POLR1C: variants seen among roughly 807,000 people sequenced by gnomAD.
POLR1C encodes the protein DNA-directed RNA polymerases I and III subunit RPAC1.
In POLR1C, 42 loss-of-function variants were observed where a neutral mutation model predicts 38.3. The ratio of observed to expected loss-of-function variants is 1.10; its 90% confidence interval spans 0.86 to 1.42. The LOEUF (loss-of-function observed/expected upper bound fraction) is 1.42, where lower values mean the gene tolerates loss of function less well. POLR1C is among the 40% of genes most tolerant of loss of function. The pLI, the probability that POLR1C is intolerant of heterozygous loss-of-function variation, is 0.00. For missense variants in POLR1C, 507 were observed against 450.5 expected, an observed-to-expected ratio of 1.13 and a Z score of -1.14; for synonymous variants, 163 against 163.9, an observed-to-expected ratio of 0.99 and a Z score of 0.04.
chr6:43,547,720 G>C, intron 9 of POLR1C: 2 of 1,611,962 alleles, frequency 1.2e-6, no homozygotes, highest in South Asian at 2.2e-5. Context: ...GAAGGTTGGA[G>C]GGGGAAAAAC....
rs561324245 is a variant in POLR1C at position 43,529,105 on chromosome 6, T to C, written c.923-144T>C. On this transcript the variant is annotated intron_variant, in intron 8 of 8. Transcript: ENST00000304004. Reference sequence around the variant, plus strand: ...CCTAAAATCCTAAATGGCACTGATATTGAATTCCATTATACTCTTAGTTTA... The same window carrying C: ...CCTAAAATCCTAAATGGCACTGATACTGAATTCCATTATACTCTTAGTTTA... 4.7e-5 allele frequency: 51 copies of C among 1,075,822 alleles called. 1 individual carries two copies. The highest frequency in any genetic ancestry group is 1.8e-4 in the South Asian group (13 of 70,642). 66.6% of individuals were successfully genotyped at this position (1,075,822 alleles called of 1,614,324 possible).
chr6:43,525,313 C>T (rs1483090900), downstream of POLR1C: 12 of 1,119,088 alleles, frequency 1.1e-5, no homozygotes, highest in African/African-American at 1.6e-5. Context: ...TTTTTTTCCT[C>T]CCCCCCTCTA....
At chr6:43,561,020 A>G in intron 10 of POLR1C, 1 of 1,602,874 alleles carries the variant, frequency 6.2e-7, no homozygotes, top group Non-Finnish European at 8.5e-7. Context: ...GTAGGAGAAG[A>G]CCACTATATT....
intron 2 of POLR1C, among the ~76,000 whole-genome samples, chr6:43,517,609 A>T (rs1792901975): frequency 6.6e-6 from 1 of 151,994 alleles, no homozygotes; most frequent in Non-Finnish European, 1.5e-5. Context: ...ATCTAGTGTA[A>T]TATGGTGAAG....
chr6:43,521,399 T>C lies in POLR1C; in HGVS notation c.*99T>C. ...GCCCAGTGTGACTAGGGATCCTGAGTTTTCTGGGACAATTCCAGCTTTAAT... is the reference window on the plus strand; with the variant it reads ...GCCCAGTGTGACTAGGGATCCTGAGCTTTCTGGGACAATTCCAGCTTTAAT... On this transcript the variant is annotated 3_prime_UTR_variant, in exon 9 of 9. Transcript: ENST00000642195. 6.3e-7 allele frequency: 1 copy of C among 1,599,240 alleles called. No homozygotes were observed. The highest frequency in any genetic ancestry group is 1.7e-5 in the Admixed American group (1 of 59,196).
intron 8 of POLR1C, chr6:43,527,622 C>T: frequency 1.2e-6 from 2 of 1,613,708 alleles, no homozygotes; most frequent in Non-Finnish European, 1.7e-6. Flanking sequence ...CCAGTTTCGA[C>T]ATGCCACTTA....
intron 10 of POLR1C, chr6:43,553,544 C>T (rs1373694054): frequency 2.6e-6 from 4 of 1,535,872 alleles, no homozygotes; most frequent in African/African-American, 1.4e-5. Flanking sequence ...CACACACACA[C>T]ACACAATTAT....
intron 9 of POLR1C, chr6:43,549,479 A>G: frequency 1.2e-6 from 2 of 1,604,592 alleles, no homozygotes; most frequent in South Asian, 2.2e-5. Context: ...GCCAGGGTCC[A>G]GCAGCTTACC....
chr6:43,517,466 G>C (rs1792893711), intron 2 of POLR1C, 89 bp downstream of exon 2: 2 of 1,123,026 alleles, frequency 1.8e-6, no homozygotes, highest in South Asian at 2.5e-5. Flanking sequence ...AGCTGCTCTT[G>C]GGGGTCGCTC....
At chr6:43,561,263 A>C in intron 10 of POLR1C, 1 of 404,262 alleles carries the variant, frequency 2.5e-6, no homozygotes, top group Non-Finnish European at 4.4e-6. Context: ...ACAGTAAAAT[A>C]AAAAACACTC....
chr6:43,525,076 A>G (rs1050954600), downstream of POLR1C: 43 of 1,570,162 alleles, frequency 2.7e-5, no homozygotes, highest in Non-Finnish European at 3.7e-5. Context: ...ACCTTCCATG[A>G]GGGGCAGGGA....
At chr6:43,552,066 T>C (rs564415128) in intron 10 of POLR1C, among the ~76,000 whole-genome samples, 1 of 152,340 alleles carries the variant, frequency 6.6e-6, no homozygotes, top group East Asian at 1.9e-4. Flanking sequence ...ATGTTTTTCA[T>C]ATTTATCAGC....
chr6:43,524,890 G>A, downstream of POLR1C: 1 of 1,613,996 alleles, frequency 6.2e-7, no homozygotes, highest in Non-Finnish European at 8.5e-7. Context: ...CCGTCGTGCT[G>A]CCCGTGCATC....
chr6:43,539,169 T>C, intron 9 of POLR1C: 5 of 1,101,428 alleles, frequency 4.5e-6, no homozygotes, highest in South Asian at 2.6e-5. Flanking sequence ...CAGGGGACGG[T>C]GTGGGGCTTG....
chr6:43,530,284 C>T (rs937924364), downstream of POLR1C, among the ~76,000 whole-genome samples: 6 of 151,412 alleles, frequency 4.0e-5, no homozygotes, highest in East Asian at 1.9e-4. Flanking sequence ...ATCAGCTGGG[C>T]GTGATGGTGC....
At chr6:43,526,461 ATATATGGT>A, downstream of POLR1C, 1 of 575,646 alleles carries the variant, frequency 1.7e-6, no homozygotes. Flanking sequence ...AAAAGATCAC[ATATATGGT>A]TGGGAGGAAA....
intron 9 of POLR1C, among the ~76,000 whole-genome samples, chr6:43,540,254 C>T (rs947635482): frequency 3.9e-5 from 6 of 152,130 alleles, no homozygotes; most frequent in South Asian, 2.1e-4. Context: ...CCAGGCCGGG[C>T]GGATCACGAG....
chr6:43,552,945 T>G (rs985069695), intron 10 of POLR1C, among the ~76,000 whole-genome samples: 15 of 152,188 alleles, frequency 9.9e-5, no homozygotes, highest in African/African-American at 3.6e-4. Flanking sequence ...TGTTTGAACT[T>G]GAGTATGCTA....
chr6:43,518,771 C>A (rs541753434), intron 2 of POLR1C, among the ~76,000 whole-genome samples: 2 of 152,310 alleles, frequency 1.3e-5, no homozygotes, highest in Admixed American at 1.3e-4. Context: ...GCAACCTCCG[C>A]CTCCCGGGTT....
Sources: allele counts gnomAD v4.1 joint callset (sites outside exome capture counted in the v4.1 genomes callset), GRCh38; gene constraint gnomAD v4.1.1; transcripts MANE v1.5; gene names NCBI Gene and HGNC (gene_info 2026-07-23, HGNC 2026-07-21).